The following BACH1 variants were observed in gnomAD, a reference collection of about 807,000 sequenced individuals.
The protein encoded by BACH1 is BTB domain and CNC homolog 1.
A neutral mutation model predicts 52.9 loss-of-function variants in BACH1; 35 were observed. That is an observed-to-expected ratio of 0.66 (90% CI 0.51 to 0.88). The LOEUF (loss-of-function observed/expected upper bound fraction) is 0.88. BACH1 is among the 40% of genes least tolerant of loss of function. The probability of loss-of-function intolerance (pLI) is 0.00; values close to 1 mark genes in which losing one functional copy is unlikely to be tolerated. For synonymous variants in BACH1, 321 were observed against 319.6 expected, an observed-to-expected ratio of 1.00 and a Z score of -0.05; for missense variants, 808 against 872.6, an observed-to-expected ratio of 0.93 and a Z score of 0.93.
At chr21:29,331,579 G>A (rs2088983303) in intron 4 of BACH1, among the ~76,000 whole-genome samples, 1 of 152,170 alleles carries the variant, frequency 6.6e-6, no homozygotes, top group Non-Finnish European at 1.5e-5. Flanking sequence ...GGATGAAGAA[G>A]CCTTGCTATC....
At chr21:29,331,183 C>T (rs961226379) in intron 4 of BACH1, among the ~76,000 whole-genome samples, 1 of 152,110 alleles carries the variant, frequency 6.6e-6, no homozygotes, top group Non-Finnish European at 1.5e-5. Context: ...TTATTCTGTG[C>T]TGCAATACAG....
intron 2 of BACH1, among the ~76,000 whole-genome samples, chr21:29,354,732 T>G (rs1197096732): frequency 6.6e-6 from 1 of 152,234 alleles, no homozygotes; most frequent in East Asian, 1.9e-4. Context: ...AGGCAAGGCA[T>G]GCTGTGTGGC....
intron 1 of BACH1, among the ~76,000 whole-genome samples, chr21:29,319,879 T>C (rs1277078660): frequency 2.6e-5 from 4 of 151,938 alleles, no homozygotes; most frequent in African/African-American, 9.7e-5. Flanking sequence ...ACTTCTTTGA[T>C]TGATGGTTTT....
intron 1 of BACH1, among the ~76,000 whole-genome samples, chr21:29,312,449 A>C (rs1401412774): frequency 6.6e-6 from 1 of 152,184 alleles, no homozygotes; most frequent in African/African-American, 2.4e-5. Flanking sequence ...AAAAAGAAAT[A>C]AGCATAAAGA....
intron 2 of BACH1, among the ~76,000 whole-genome samples, chr21:29,324,034 C>T (rs988739019): frequency 1.3e-5 from 2 of 151,894 alleles, no homozygotes; most frequent in Admixed American, 6.6e-5. Flanking sequence ...GGCAGATCAC[C>T]TGAGGTCAGG....
At chr21:29,301,446 C>T (rs932390186) in intron 1 of BACH1, among the ~76,000 whole-genome samples, 8 of 152,170 alleles carry the variant, frequency 5.3e-5, no homozygotes, top group African/African-American at 1.9e-4. Context: ...CGGTTTCCTC[C>T]TAAGAGTTCT....
chr21:29,300,498 T>G (rs1336867864), intron 1 of BACH1, among the ~76,000 whole-genome samples: 1 of 152,142 alleles, frequency 6.6e-6, no homozygotes, highest in African/African-American at 2.4e-5. Flanking sequence ...AGAGCACTCT[T>G]AGGCAGTGGC....
At chr21:29,322,852 C>G (rs1438471928) in intron 2 of BACH1, among the ~76,000 whole-genome samples, 1 of 152,082 alleles carries the variant, frequency 6.6e-6, no homozygotes, top group African/African-American at 2.4e-5. Flanking sequence ...AACCTATGAA[C>G]TAGCCATTGT....
intron 4 of BACH1, among the ~76,000 whole-genome samples, chr21:29,340,813 A>G (rs765547557): frequency 4.6e-5 from 7 of 152,184 alleles, no homozygotes; most frequent in Non-Finnish European, 7.3e-5. Flanking sequence ...ACTGTGAACA[A>G]GCAGTAGGTA....
intron 2 of BACH1, among the ~76,000 whole-genome samples, chr21:29,322,636 A>G (rs533822254): frequency 3.4e-4 from 52 of 152,342 alleles, no homozygotes; most frequent in Non-Finnish European, 6.0e-4. Context: ...GAATGTAGAA[A>G]TCATTTGAGT....
At chr21:29,359,122 A>G (rs1364621445) in intron 2 of BACH1, 1 of 152,108 alleles carries the variant, frequency 6.6e-6, no homozygotes, top group Non-Finnish European at 1.5e-5. Flanking sequence ...GATGTCCATC[A>G]TAGCATTTAT....
At chr21:29,355,673 G>A (rs969581819) in intron 2 of BACH1, among the ~76,000 whole-genome samples, 2 of 152,194 alleles carry the variant, frequency 1.3e-5, no homozygotes, top group Non-Finnish European at 2.9e-5. Context: ...GGTTCCATTC[G>A]TAAGACCATC....
chr21:29,326,499 C>G lies in BACH1; in HGVS notation c.675C>G (p.Pro225=). Residue 225 remains proline (P), a synonymous_variant, in exon 3 of 5, where the codon CCC becomes CCG. Transcript: ENST00000286800. ...CTCTGGCCTTGCCTTCTTTATGCCC[C>G]AAATACAGAAAATTCCAAAAAGCAT... is the stretch of plus-strand genomic sequence containing the variant. ...DAALALPSLC[P]KYRKFQKAFG... is the part of the protein sequence containing the mutation. 6.2e-7 allele frequency: 1 copy of G among 1,614,178 alleles called. No homozygotes were observed. The highest frequency in any genetic ancestry group is 8.5e-7 in the Non-Finnish European group (1 of 1,180,038).
chr21:29,323,525 CA>C, intron 2 of BACH1, among the ~76,000 whole-genome samples: 1 of 152,122 alleles, frequency 6.6e-6, no homozygotes, highest in East Asian at 1.9e-4. Context: ...TCACCTATCC[CA>C]CCTTTTTCCT....
At chr21:29,354,913 A>G (rs907646988) in intron 2 of BACH1, among the ~76,000 whole-genome samples, 9 of 152,196 alleles carry the variant, frequency 5.9e-5, no homozygotes, top group Admixed American at 4.6e-4. Context: ...ACAGACCCCA[A>G]AGGAATACTG....
chr21:29,350,563 C>T (rs1601375019), downstream of BACH1, among the ~76,000 whole-genome samples: 1 of 152,200 alleles, frequency 6.6e-6, no homozygotes, highest in African/African-American at 2.4e-5. Context: ...GGCAGCATAG[C>T]ACCACCTATA....
chr21:29,302,536 T>G (rs1051178704), intron 1 of BACH1, among the ~76,000 whole-genome samples: 8 of 152,228 alleles, frequency 5.3e-5, no homozygotes, highest in Admixed American at 2.0e-4. Context: ...GGCAAGCTCT[T>G]CTACCTGGTA....
chr21:29,356,172 TA>T (rs1307143728), intron 2 of BACH1, among the ~76,000 whole-genome samples: 1 of 152,128 alleles, frequency 6.6e-6, no homozygotes, highest in Non-Finnish European at 1.5e-5. Context: ...TTAAGTAGGG[TA>T]TTAGTTGTAT....
intron 4 of BACH1, among the ~76,000 whole-genome samples, chr21:29,341,849 T>C (rs1226981333): frequency 1.3e-5 from 2 of 152,216 alleles, no homozygotes; most frequent in African/African-American, 4.8e-5. Context: ...CAAATGCTGG[T>C]CATTAGTTGA....
Sources: allele counts gnomAD v4.1 joint callset (sites outside exome capture counted in the v4.1 genomes callset), GRCh38; gene constraint gnomAD v4.1.1; transcripts MANE v1.5; gene names NCBI Gene and HGNC (gene_info 2026-07-23, HGNC 2026-07-21).